Variants in NBL1 observed in about 807,000 individuals in gnomAD.
NBL1 encodes the protein neuroblastoma suppressor of tumorigenicity 1.
Under a neutral mutation model 16.0 loss-of-function variants are expected in NBL1, and 9 were observed. The ratio of observed to expected loss-of-function variants is 0.56; its 90% CI spans 0.34 to 0.98. The LOEUF (loss-of-function observed/expected upper bound fraction) is 0.98. NBL1 is among the 50% of genes least tolerant of loss of function. The pLI is 0.02. For synonymous variants in NBL1, 86 were observed against 100.7 expected (o/e 0.85, Z 0.87); for missense variants, 196 against 243.1 (o/e 0.81, Z 1.29).
chr1:19,654,214 C>T (rs2095043533), intron 1 of NBL1, among the ~76,000 whole-genome samples: 1 of 152,128 alleles, frequency 6.6e-6, no homozygotes, highest in South Asian at 2.1e-4. Flanking sequence ...AGTTTGAGAC[C>T]AGCCTGGGCA....
chr1:19,657,372 G>GGT lies in NBL1; in HGVS notation c.*244_*245insTG, dbSNP rs940318502. On this transcript the variant is annotated 3_prime_UTR_variant, in exon 4 of 4. Coordinates refer to ENST00000375136, the MANE Select transcript of NBL1 (RefSeq NM_005380.8). ...AGAGGTCTTCAGGGCTCTTTTTTTGGGGGGGGTGGTCTCTTCCTGTCTGGC... is the reference window on the plus strand; with the variant it reads ...AGAGGTCTTCAGGGCTCTTTTTTTGGGTGGGGGGTGGTCTCTTCCTGTCTGGC... 8.7e-5 allele frequency: 23 copies of GGT among 262,884 alleles called. No homozygotes were observed. Among genetic ancestry groups the GGT allele is most frequent in the South Asian group, 2.8e-4 (2 of 7,184 alleles). The allele number at this position is 262,884 out of a possible 1,614,324, so 16.3% of individuals were successfully genotyped here.
chr1:19,651,495 C>G (rs115518777), intron 1 of NBL1, among the ~76,000 whole-genome samples: 201 of 152,332 alleles, frequency 1.3e-3, no homozygotes, highest in African/African-American at 4.6e-3. Context: ...CCTGCAACCT[C>G]TTCCAAAAAG....
rs35989027 is a variant in NBL1 at position 19,657,370 on chromosome 1, T to TTG, written c.*241_*242insTG. On this transcript the variant is annotated 3_prime_UTR_variant, in exon 4 of 4. Transcript: ENST00000375136. ...GCAGAGGTCTTCAGGGCTCTTTTTT[T>TTG]GGGGGGGGTGGTCTCTTCCTGTCTG... is the stretch of plus-strand genomic sequence containing the variant. 56 of 144,240 alleles carry TTG rather than the reference T, an allele frequency of 3.9e-4. No individual in the cohort carries two copies. Among genetic ancestry groups the TTG allele is most frequent in the South Asian group, 1.2e-3 (5 of 4,072 alleles). 8.9% of individuals were successfully genotyped at this position (144,240 alleles called of 1,614,324 possible).
At chr1:19,654,914 T>C in intron 1 of NBL1, 98 bp from the exon 2 acceptor site, 1 of 1,417,490 alleles carries the variant, frequency 7.1e-7, no homozygotes, top group Non-Finnish European at 9.3e-7. Flanking sequence ...GAGCTGGGGT[T>C]GCGCCAAGGA....
At chr1:19,646,077 G>A (rs1410542957) in intron 1 of NBL1, 2 of 1,548,082 alleles carry the variant, frequency 1.3e-6, no homozygotes, top group South Asian at 2.4e-5. Context: ...GCACAGAGGT[G>A]GTCAGGGCTG....
In NBL1 at chr1:19,644,523, G is replaced by T. The variant is rs1031283336; in HGVS notation, c.-20+77G>T. On this transcript the variant is annotated intron_variant, in intron 1 of 3. Coordinates refer to ENST00000375136, the MANE Select transcript of NBL1 (RefSeq NM_005380.8). The surrounding 1 kb of genome is among the most constrained non-coding windows in gnomAD (Gnocchi z 4.6). ...CCGCGGGGGCAGTGCCGCGCCCCCA[G>T]CCCGGAGCTGCGTCCCCCGGCGCGT... 2.3e-5 allele frequency: 19 copies of T among 818,618 alleles called. No homozygotes were observed. Among genetic ancestry groups the T allele is most frequent in the Non-Finnish European group, 2.6e-5 (18 of 679,738 alleles). 50.7% of individuals were successfully genotyped at this position (818,618 alleles called of 1,614,324 possible). A position where few individuals can be genotyped will look rare whatever the true frequency, so the allele number is the denominator to read the frequency against.
upstream of NBL1, chr1:19,644,112 G>A (rs2094962584): frequency 4.1e-6 from 4 of 975,672 alleles, no homozygotes; most frequent in South Asian, 1.9e-4. The surrounding 1 kb of genome is among the most constrained non-coding windows in gnomAD (Gnocchi z 4.6). Flanking sequence ...GCTCAGCCCG[G>A]GGCGGGCGGG....
chr1:19,655,513 T>C, intron 3 of NBL1, 78 bp downstream of exon 3: 2 of 1,507,676 alleles, frequency 1.3e-6, no homozygotes, highest in South Asian at 2.4e-5. Flanking sequence ...CAGGCTCCTG[T>C]ATTCCAGCAG....
rs1240818676 is a variant in NBL1, at chr1:19,658,006, C to T, written c.*877C>T. 2 of 152,896 alleles carry T rather than the reference C, an allele frequency of 1.3e-5. No homozygotes were observed. Among genetic ancestry groups the T allele is most frequent in the African/African-American group, 4.8e-5 (2 of 41,446 alleles). 9.5% of individuals were successfully genotyped at this position (152,896 alleles called of 1,614,324 possible). On this transcript the variant is annotated 3_prime_UTR_variant, in exon 4 of 4. Transcript: ENST00000375136. ...CCTTCTCCCCTCTCCCAGGGATGCT[C>T]TTTGTAAATATCGGATGGGTGTGGG...
upstream of NBL1, chr1:19,644,003 C>T: frequency 2.0e-6 from 2 of 985,178 alleles, no homozygotes; most frequent in Non-Finnish European, 2.4e-6. The surrounding 1 kb of genome is among the most constrained non-coding windows in gnomAD (Gnocchi z 4.6). Flanking sequence ...CCGGGGAGGG[C>T]GCTTAAGAAC....
At chr1:19,649,348 ATTAT>A (rs1188346249) in intron 1 of NBL1, among the ~76,000 whole-genome samples, 1 of 34,594 alleles carries the variant, frequency 2.9e-5, no homozygotes, top group Non-Finnish European at 8.3e-5. Flanking sequence ...CTGCCATAAA[ATTAT>A]TATTATTATT....
Position 19,656,942 on chromosome 1 carries a change from G to T in NBL1, c.359G>T (p.Cys120Phe). The change falls in exon 4 of 4, where the codon TGC becomes TTC. Residue 120 changes from cysteine to phenylalanine, a missense_variant. Coordinates refer to ENST00000375136, the MANE Select transcript of NBL1 (RefSeq NM_005380.8). ...KLVEKILHCS[C>F]QACGKEPSHE... ...GTGGAGAAGATCCTGCACTGTAGCT[G>T]CCAGGCCTGCGGCAAGGAGCCTAGT... 6.2e-7 allele frequency: 1 copy of T among 1,612,912 alleles called. No homozygotes were observed. Among genetic ancestry groups the T allele is most frequent in the Non-Finnish European group, 8.5e-7 (1 of 1,179,632 alleles).
At chr1:19,647,107 C>A (rs2094985403) in intron 1 of NBL1, among the ~76,000 whole-genome samples, 1 of 152,166 alleles carries the variant, frequency 6.6e-6, no homozygotes, top group Admixed American at 6.5e-5. Context: ...TCACAGCTGT[C>A]CTGTGAGCTG....
intron 1 of NBL1, among the ~76,000 whole-genome samples, chr1:19,652,714 G>A (rs1183690032): frequency 6.6e-6 from 1 of 152,210 alleles, no homozygotes; most frequent in Non-Finnish European, 1.5e-5. Flanking sequence ...TGGGCTGGGT[G>A]CAGTGGCTCA....
chr1:19,644,169 G>T, upstream of NBL1: 2 of 979,816 alleles, frequency 2.0e-6, no homozygotes, highest in Non-Finnish European at 2.4e-6. This position sits in a 1 kb window ranked among gnomAD's most constrained non-coding sequence, Gnocchi z 4.6. Context: ...CCCCTCCTGC[G>T]CACCCGGAGG....
chr1:19,646,347 T>A (rs1472970327), intron 1 of NBL1, among the ~76,000 whole-genome samples: 2 of 152,060 alleles, frequency 1.3e-5, no homozygotes, highest in African/African-American at 4.8e-5. Flanking sequence ...AAGCAAATGG[T>A]CAGTGGCTCG....
intron 1 of NBL1, among the ~76,000 whole-genome samples, chr1:19,653,693 C>G (rs1022544767): frequency 6.6e-6 from 1 of 152,242 alleles, no homozygotes; most frequent in African/African-American, 2.4e-5. Context: ...TGGACCCATG[C>G]CCTTTCTCGG....
chr1:19,648,321 C>A (rs967992140), intron 1 of NBL1, among the ~76,000 whole-genome samples: 33 of 152,272 alleles, frequency 2.2e-4, no homozygotes, highest in African/African-American at 7.9e-4. Flanking sequence ...TTAATCGAAG[C>A]CCCTTTCCTG....
At chr1:19,653,993 G>A (rs2095042375) in intron 1 of NBL1, among the ~76,000 whole-genome samples, 1 of 152,170 alleles carries the variant, frequency 6.6e-6, no homozygotes. Context: ...AATGGGGCTG[G>A]GGACAGTGAT....
Sources: allele counts gnomAD v4.1 joint callset (sites outside exome capture counted in the v4.1 genomes callset), GRCh38; gene constraint gnomAD v4.1.1; non-coding constraint Gnocchi (gnomAD v3.1); transcripts MANE v1.5; gene names NCBI Gene and HGNC (gene_info 2026-07-23, HGNC 2026-07-21).